PADI6: variants seen among roughly 807,000 people sequenced by gnomAD.
PADI6 encodes inactive protein-arginine deiminase type-6.
PADI6 carries 66 observed loss-of-function variants against 78.2 expected under a neutral mutation model. The observed-to-expected ratio is 0.84, with a 90% CI of 0.69 to 1.04. The LOEUF is 1.04. Ranked by LOEUF, PADI6 falls within the 50% of genes least tolerant of loss-of-function variation. PADI6 has a pLI of 0.00. For synonymous variants in PADI6, 397 were observed against 346.9 expected (o/e 1.14, Z -1.60); for missense variants, 854 against 866.1 (o/e 0.99, Z 0.18).
chr1:17,391,740 C>T (rs192481477), intron 8 of PADI6, among the ~76,000 whole-genome samples: 1 of 152,326 alleles, frequency 6.6e-6, no homozygotes, highest in Non-Finnish European at 1.5e-5. Flanking sequence ...CACTTGAACC[C>T]AGGAGGTGGA....
Position 17,375,444 on chromosome 1 carries a change from T to C in PADI6, c.312T>C (p.Tyr104=), listed in dbSNP as rs2100286078. The C allele has an allele frequency of 6.2e-7, 1 of 1,611,642 alleles. No individual in the cohort carries two copies. Among genetic ancestry groups the C allele is most frequent in the East Asian group, 2.2e-5 (1 of 44,814 alleles). ...CTCCACAGGTCTCGGTCACATACTA[T>C]GGGCCCAACGAGGATGCCCCCGTGG... is the stretch of plus-strand genomic sequence containing the variant. ...VDADKVSVTY[Y]GPNEDAPVGT... is the part of the protein sequence containing the mutation. The change falls in exon 3 of 16, where the codon TAT becomes TAC. Residue 104 remains tyrosine, a synonymous_variant. Coordinates refer to ENST00000619609, the MANE Select transcript of PADI6 (RefSeq NM_207421.4).
chr1:17,376,083 T>C (rs1455157365), intron 3 of PADI6, among the ~76,000 whole-genome samples: 1 of 152,066 alleles, frequency 6.6e-6, no homozygotes, highest in South Asian at 2.1e-4. Flanking sequence ...CAAGTGATTC[T>C]CCTACCTCAG....
chr1:17,399,152 C>T (rs987057134), intron 15 of PADI6, among the ~76,000 whole-genome samples: 2 of 152,132 alleles, frequency 1.3e-5, no homozygotes, highest in Admixed American at 6.5e-5. Context: ...AGGCCCACTT[C>T]GGATGGGGTG....
chr1:17,381,862 T>C, intron 5 of PADI6, 105 bp from the exon 6 acceptor site: 4 of 1,366,212 alleles, frequency 2.9e-6, no homozygotes, highest in Middle Eastern at 1.8e-4. Flanking sequence ...CAGGGGGTCC[T>C]TGGTGCTCTG....
chr1:17,400,208 CA>C (rs34308317), intron 15 of PADI6, among the ~76,000 whole-genome samples: 85,136 of 135,526 alleles, frequency 0.63, 25,047 homozygotes, highest in South Asian at 0.66. Flanking sequence ...TAAACCAAAC[CA>C]AAAAAAAAAA....
rs1169192648 is a variant in PADI6 at position 17,389,442 on chromosome 1, C to T, written c.962+562C>T. Among the ~76,000 whole-genome samples the T allele has an allele frequency of 5.3e-5, 8 of 152,174 alleles. 1 individual carries two copies. Among genetic ancestry groups the T allele is most frequent in the African/African-American group, 1.9e-4 (8 of 41,440 alleles). ...CTTGTTATGCTTTCCCCTGGGGTGG[C>T]TGCCTCCTCTCTGGAGGCTGAGTGC... On this transcript the variant is annotated intron_variant, in intron 8 of 15. Transcript: ENST00000619609.
chr1:17,399,076 G>T (rs934938175), intron 15 of PADI6, among the ~76,000 whole-genome samples: 1 of 152,110 alleles, frequency 6.6e-6, no homozygotes, highest in African/African-American at 2.4e-5. Context: ...TATGGGCCAG[G>T]CCCTGGGCCA....
rs772957985 is a variant in PADI6, at chr1:17,388,870, T to C, written c.952T>C (p.Tyr318His). 1 of 1,613,252 alleles carries C rather than the reference T, an allele frequency of 6.2e-7. No individual in the cohort carries two copies. The highest frequency in any genetic ancestry group is 8.5e-7 in the Non-Finnish European group (1 of 1,179,532). ...CTGTACCCAGGTGCCTCTGGAGGTT[T>C]ACCTGTGCAGGTGAGAGACCATCAG... is the stretch of plus-strand genomic sequence containing the variant. Reference protein sequence around the residue: ...IPCTQVPLEVYLCRELQLQGF... With the variant: ...IPCTQVPLEVHLCRELQLQGF... Residue 318 changes from tyrosine to histidine, a missense_variant, in exon 8 of 16, where the codon TAC becomes CAC. Transcript: ENST00000619609.
chr1:17,398,652 C>CCG, intron 14 of PADI6, 34 bp from the exon 15 acceptor site: 1 of 110,492 alleles, frequency 9.1e-6, no homozygotes, highest in Non-Finnish European at 1.7e-5. Context: ...CCTTGCTCCC[C>CCG]CGCCCCCCCC....
intron 14 of PADI6, among the ~76,000 whole-genome samples, chr1:17,397,697 G>A (rs1195890857): frequency 6.6e-6 from 1 of 152,080 alleles, no homozygotes; most frequent in Non-Finnish European, 1.5e-5. Flanking sequence ...CCTGCAGATA[G>A]CCCTATAAAG....
At chr1:17,380,545 A>AT (rs1570128196) in intron 4 of PADI6, among the ~76,000 whole-genome samples, 1 of 151,736 alleles carries the variant, frequency 6.6e-6, no homozygotes, top group Admixed American at 6.6e-5. Flanking sequence ...TTTTTTTTGT[A>AT]TTTTTAGTAG....
chr1:17,379,903 C>A lies in PADI6; in HGVS notation c.368-17C>A, dbSNP rs749998564. ...GGCAGGTCAAGGTGGCTGGGACACC[C>A]TTTTCTTCTGTTTCAGAGGTCTCTC... On this transcript the variant is annotated splice_polypyrimidine_tract_variant and intron_variant, in intron 3 of 15. Coordinates refer to ENST00000619609, the MANE Select transcript of PADI6 (RefSeq NM_207421.4). 2 of 1,612,068 alleles carry A rather than the reference C, an allele frequency of 1.2e-6. No individual in the cohort carries two copies. Among genetic ancestry groups the A allele is most frequent in the South Asian group, 2.2e-5 (2 of 90,894 alleles).
Position 17,384,105 on chromosome 1 carries a change from T to C in PADI6, c.679+2013T>C, listed in dbSNP as rs539111509. ...CTGCAGTGAGCCGACGTTGCACCAC[T>C]GCACTCCAGCCTAGGTGACAGAGTG... is the stretch of plus-strand genomic sequence containing the variant. On this transcript the variant is annotated intron_variant, in intron 6 of 15. Coordinates refer to ENST00000619609, the MANE Select transcript of PADI6 (RefSeq NM_207421.4). Among the ~76,000 whole-genome samples the C allele has an allele frequency of 2.6e-3, 398 of 151,854 alleles. 5 individuals carry two copies. Among genetic ancestry groups the C allele is most frequent in the Non-Finnish European group, 4.2e-3 (284 of 67,948 alleles).
chr1:17,385,524 C>G (rs753159257), intron 6 of PADI6, among the ~76,000 whole-genome samples: 2 of 151,968 alleles, frequency 1.3e-5, no homozygotes, highest in Non-Finnish European at 2.9e-5. Context: ...GATCGGAAGG[C>G]ATTGTCTGCC....
At chr1:17,389,421 T>C (rs374617895) in intron 8 of PADI6, among the ~76,000 whole-genome samples, 3 of 152,268 alleles carry the variant, frequency 2.0e-5, no homozygotes, top group East Asian at 3.9e-4. Flanking sequence ...TTCAGTCTTG[T>C]TATGCTTTCC....
chr1:17,372,332 G>C lies in PADI6; in HGVS notation c.87G>C (p.Leu29Phe), dbSNP rs752509549. 1 of 1,613,942 alleles carries C rather than the reference G, an allele frequency of 6.2e-7. No individual in the cohort carries two copies. The highest frequency in any genetic ancestry group is 8.5e-7 in the Non-Finnish European group (1 of 1,179,862). The change falls in exon 1 of 16, where the codon TTG (leucine) becomes TTC (phenylalanine). Residue 29 changes from leucine (L) to phenylalanine (F), a missense_variant. Physicochemically the swap from Leu to Phe is conservative, Grantham distance 22. Transcript: ENST00000619609. ...LDSPVHAVCV[L>F]GTEICLDLSG... The stretch of plus-strand genomic sequence containing the variant: ...GCCCTGTCCATGCCGTTTGTGTGTT[G>C]GGCACAGAAATCTGCTTGGATCTCA...
At chr1:17,398,654 G>GCTCCCCC in intron 14 of PADI6, 32 bp from the exon 15 acceptor site, 10 of 173,478 alleles carry the variant, frequency 5.8e-5, no homozygotes, top group South Asian at 1.5e-4. Context: ...TTGCTCCCCC[G>GCTCCCCC]CCCCCCCCCC....
At chr1:17,397,853 G>A (rs1415432313) in intron 14 of PADI6, among the ~76,000 whole-genome samples, 2 of 152,142 alleles carry the variant, frequency 1.3e-5, no homozygotes, top group African/African-American at 4.8e-5. Flanking sequence ...CCCGGAAAAT[G>A]ACATAGCTCC....
rs375258843 is a variant in PADI6 at position 17,372,281 on chromosome 1, G to C, written c.36G>C (p.Gln12His). ...VSVEGRAMSF[Q>H]SIIHLSLDSP... ...TGGAGGGCCGAGCCATGTCCTTCCA[G>C]AGTATCATCCACCTGTCCCTGGACA... Residue 12 changes from glutamine to histidine, a missense_variant, in exon 1 of 16, where the codon CAG (glutamine) becomes CAC (histidine). Coordinates refer to ENST00000619609, the MANE Select transcript of PADI6 (RefSeq NM_207421.4). 5.1e-5 allele frequency: 83 copies of C among 1,613,976 alleles called. No individual in the cohort carries two copies. In the African/African-American group the frequency reaches 9.9e-4, roughly 19 times the overall value.
Sources: allele counts gnomAD v4.1 joint callset (sites outside exome capture counted in the v4.1 genomes callset), GRCh38; gene constraint gnomAD v4.1.1; transcripts MANE v1.5; gene names NCBI Gene and HGNC (gene_info 2026-07-23, HGNC 2026-07-21).